The following CFAP57 variants were observed in gnomAD, a reference collection of about 807,000 sequenced individuals.
The protein encoded by CFAP57 is cilia- and flagella-associated protein 57.
In CFAP57, 116 loss-of-function variants were observed where a neutral mutation model predicts 146.8. That is an observed-to-expected ratio of 0.79 (90% CI 0.68 to 0.92). The LOEUF (loss-of-function observed/expected upper bound fraction) is 0.92, where lower values mean the gene tolerates loss of function less well. Among genes scored for constraint, CFAP57 ranks in the 40% least tolerant of loss-of-function variants. The probability of loss-of-function intolerance (pLI) is 0.00; values close to 1 mark genes in which losing one functional copy is unlikely to be tolerated. For synonymous variants in CFAP57, 518 were observed against 552.8 expected (o/e 0.94, Z 0.88); for missense variants, 1,377 against 1,527.2 (o/e 0.90, Z 1.64).
chr1:43,229,822 A>G (rs1465891150), intron 18 of CFAP57, among the ~76,000 whole-genome samples: 1 of 127,606 alleles, frequency 7.8e-6, no homozygotes, highest in Admixed American at 7.2e-5. Flanking sequence ...CCTACCTGCT[A>G]GATCCCAAAA....
intron 22 of CFAP57, among the ~76,000 whole-genome samples, chr1:43,248,413 G>T (rs1646199804): frequency 6.6e-6 from 1 of 151,046 alleles, no homozygotes; most frequent in Admixed American, 6.6e-5. Flanking sequence ...TGCCTCCCGG[G>T]TTGACACCAT....
At position 43,227,016 on chromosome 1, in the gene CFAP57, C is replaced by A; in HGVS notation, c.2899C>A (p.Gln967Lys). ...KRIYDLKKKN[Q>K]ELGKFKFVLD... ...AATTTATGATCTGAAAAAGAAAAAT[C>A]AAGAACTAGGGAAATTCAAGTTTGT... The change falls in exon 18 of 23, where the codon CAA (glutamine) becomes AAA (lysine). Residue 967 changes from glutamine to lysine, a missense_variant. By Grantham distance (53) the Gln-to-Lys change is moderately conservative (BLOSUM62 1). Transcript: ENST00000372492. The A allele has an allele frequency of 6.6e-7, 1 of 1,525,200 alleles. No homozygotes were observed. The highest frequency in any genetic ancestry group is 2.5e-5 in the East Asian group (1 of 40,452). The allele number at this position is 1,525,200 out of a possible 1,614,324, so 94.5% of individuals were successfully genotyped here.
chr1:43,194,323 G>T (rs1473784070), intron 6 of CFAP57, among the ~76,000 whole-genome samples: 2 of 151,806 alleles, frequency 1.3e-5, no homozygotes, highest in Non-Finnish European at 2.9e-5. Flanking sequence ...ATCTTATTGG[G>T]ACTCTTTTGT....
Position 43,234,501 on chromosome 1 carries a change from A to G in CFAP57, c.3268A>G (p.Ile1090Val), listed in dbSNP as rs1557820442. The change falls in exon 21 of 23, where the codon ATC becomes GTC. Residue 1090 changes from isoleucine to valine, a missense_variant. Coordinates refer to ENST00000372492, the MANE Select transcript of CFAP57 (RefSeq NM_001378189.1). ...ATCTCCTGGGCCCCGTCAGGTGGAG[A>G]TCGCAGGGCTGAACACAGACCTGCA... ...KYVQRADMVE[I>V]AGLNTDLQQE... 3 of 1,548,480 alleles carry G rather than the reference A, an allele frequency of 1.9e-6. No individual in the cohort carries two copies. The highest frequency in any genetic ancestry group is 4.9e-5 in the East Asian group (2 of 40,864).
intron 9 of CFAP57, among the ~76,000 whole-genome samples, chr1:43,202,943 G>T (rs1049431626): frequency 1.3e-5 from 2 of 152,160 alleles, no homozygotes; most frequent in African/African-American, 4.8e-5. Context: ...GGAGGCTGAG[G>T]TGGGCGGATC....
rs1557819469 is a variant in CFAP57, at chr1:43,234,281, G to A, written c.3129G>A (p.Glu1043=). The A allele has an allele frequency of 2.6e-6, 4 of 1,545,704 alleles. No homozygotes were observed. The highest frequency in any genetic ancestry group is 3.5e-6 in the Non-Finnish European group (4 of 1,144,508). ...GAAGGAAACGTCTCTGATTGCAGGA[G>A]CGAGACTTGGAAGCGCTGGTCAAAA... ...DQEMRRERQK[E]RDLEALVKRF... is the part of the protein sequence containing the mutation. Residue 1043 remains glutamate, a splice_region_variant and synonymous_variant, in exon 20 of 23, where the codon GAG becomes GAA. Transcript: ENST00000372492.
In CFAP57 at chr1:43,172,384, T is replaced by A. The variant is rs1291372498; in HGVS notation, c.-89T>A. 1.9e-6 allele frequency: 3 copies of A among 1,551,398 alleles called. No homozygotes were observed. Among genetic ancestry groups the A allele is most frequent in the Non-Finnish European group, 2.6e-6 (3 of 1,146,936 alleles). Reference sequence around the variant, plus strand: ...GCTACGGCGTTTGAAAGTGTCCGGGTTGCTTAGGATCCCTACAGGTAGCGC... The same window carrying A: ...GCTACGGCGTTTGAAAGTGTCCGGGATGCTTAGGATCCCTACAGGTAGCGC... On this transcript the variant is annotated 5_prime_UTR_variant, in exon 1 of 23. In the 5' UTR this introduces an upstream ATG that the reference lacks. Transcript: ENST00000372492.
rs1252868463 is a variant in CFAP57 at position 43,186,775 on chromosome 1, C to T, written c.1038C>T (p.Phe346=). 3.7e-6 allele frequency: 6 copies of T among 1,614,202 alleles called. No homozygotes were observed. The African/African-American group carries it at 5.3e-5, about 14-fold the overall frequency. Residue 346 remains phenylalanine, a synonymous_variant, in exon 6 of 23, where the codon TTC becomes TTT. Transcript: ENST00000372492. ...SDKQDVLCLC[F]SPSEETLVAS... Reference sequence around the variant, plus strand: ...AACAGGACGTTCTCTGCCTGTGCTTCAGCCCCTCAGAGGAAACTCTGGTTG... The same window carrying T: ...AACAGGACGTTCTCTGCCTGTGCTTTAGCCCCTCAGAGGAAACTCTGGTTG...
chr1:43,190,179 C>T (rs1481049974), intron 6 of CFAP57, among the ~76,000 whole-genome samples: 2 of 151,684 alleles, frequency 1.3e-5, no homozygotes, highest in Admixed American at 6.6e-5. Context: ...GTTGCCATGG[C>T]TAGAACCTCT....
intron 13 of CFAP57, among the ~76,000 whole-genome samples, chr1:43,220,291 A>G (rs1189404392): frequency 6.6e-6 from 1 of 152,250 alleles, no homozygotes. Flanking sequence ...CAAAGCATAG[A>G]TGGAGAATAA....
intron 6 of CFAP57, among the ~76,000 whole-genome samples, chr1:43,191,900 CTT>C (rs1473853598): frequency 2.0e-5 from 3 of 151,664 alleles, no homozygotes; most frequent in Admixed American, 2.0e-4. Context: ...AAAAACTCCT[CTT>C]AATATTGCTT....
chr1:43,214,699 A>C (rs2124522837), intron 11 of CFAP57, among the ~76,000 whole-genome samples: 1 of 152,222 alleles, frequency 6.6e-6, no homozygotes, highest in East Asian at 1.9e-4. Context: ...TAAACTGCCA[A>C]GCTATTTTCC....
chr1:43,217,470 C>G (rs1644877573), intron 12 of CFAP57, among the ~76,000 whole-genome samples: 1 of 152,090 alleles, frequency 6.6e-6, no homozygotes, highest in Admixed American at 6.6e-5. Context: ...GCTGACCATG[C>G]TGCTAGTTTT....
chr1:43,208,537 C>T lies in CFAP57; in HGVS notation c.1756-1206C>T, dbSNP rs147860074. On this transcript the variant is annotated intron_variant, in intron 10 of 22. Coordinates refer to ENST00000372492, the MANE Select transcript of CFAP57 (RefSeq NM_001378189.1). ...GAAACCATCATTCTCAGCAAACTATCGCAAGGACAGAAAACGAAACACCGC... is the reference window on the plus strand; with the variant it reads ...GAAACCATCATTCTCAGCAAACTATTGCAAGGACAGAAAACGAAACACCGC... Among the ~76,000 whole-genome samples, 699 of 152,222 alleles carry T rather than the reference C, an allele frequency of 4.6e-3. 3 individuals carry two copies. The highest frequency in any genetic ancestry group is 0.016 in the African/African-American group (665 of 41,504).
At chr1:43,234,190 C>A in intron 19 of CFAP57, 89 bp from the exon 20 acceptor site, 1 of 1,369,816 alleles carries the variant, frequency 7.3e-7, no homozygotes, top group Non-Finnish European at 9.6e-7. Context: ...ATCTCTTTTC[C>A]CTTTCTGTGC....
At chr1:43,248,730 A>T (rs1291878010) in intron 22 of CFAP57, among the ~76,000 whole-genome samples, 1 of 152,166 alleles carries the variant, frequency 6.6e-6, no homozygotes, top group Non-Finnish European at 1.5e-5. Flanking sequence ...CATATACAGA[A>T]TTATATATTA....
chr1:43,245,067 T>G (rs1486176939), intron 22 of CFAP57, among the ~76,000 whole-genome samples: 1 of 152,172 alleles, frequency 6.6e-6, no homozygotes, highest in African/African-American at 2.4e-5. Flanking sequence ...CCCAGCACTT[T>G]GGGAGGCCAA....
At chr1:43,244,154 TC>T (rs1557834590) in intron 22 of CFAP57, among the ~76,000 whole-genome samples, 1 of 152,234 alleles carries the variant, frequency 6.6e-6, no homozygotes. Flanking sequence ...CCACTCCTTA[TC>T]TGGACAATCG....
At chr1:43,224,932 T>A (rs1645187936) in intron 17 of CFAP57, among the ~76,000 whole-genome samples, 1 of 152,200 alleles carries the variant, frequency 6.6e-6, no homozygotes, top group Non-Finnish European at 1.5e-5. Flanking sequence ...GCCTTCATTT[T>A]CTCACCTATA....
Sources: gnomAD v4.1 joint callset for allele counts (sites outside exome capture counted in the v4.1 genomes callset) on GRCh38, gnomAD v4.1.1 for gene constraint, MANE v1.5 for transcripts, NCBI Gene and HGNC (gene_info 2026-07-23, HGNC 2026-07-21) for gene names.